The following PCCA variants were observed in gnomAD, a reference collection of about 807,000 sequenced individuals.
PCCA encodes the protein propionyl-CoA carboxylase alpha chain, mitochondrial.
In PCCA, 74 loss-of-function variants were observed where a neutral mutation model predicts 101.3. The ratio of observed to expected loss-of-function variants is 0.73; its 90% confidence interval spans 0.61 to 0.89. PCCA has a LOEUF of 0.89. Among genes scored for constraint, PCCA ranks in the 40% least tolerant of loss-of-function variants. PCCA has a pLI of 0.00. For synonymous variants in PCCA, 294 were observed against 313.6 expected, an observed-to-expected ratio of 0.94 and a Z score of 0.66; for missense variants, 891 against 907.0, an observed-to-expected ratio of 0.98 and a Z score of 0.23.
intron 21 of PCCA, among the ~76,000 whole-genome samples, chr13:100,492,308 G>C (rs955069400): frequency 1.3e-5 from 2 of 152,010 alleles, no homozygotes; most frequent in African/African-American, 4.8e-5. Context: ...CTAATTTTTT[G>C]TATTTTTAGT....
At chr13:100,139,066 G>A (rs952256067) in intron 4 of PCCA, among the ~76,000 whole-genome samples, 3 of 151,608 alleles carry the variant, frequency 2.0e-5, no homozygotes, top group Admixed American at 6.6e-5. Flanking sequence ...AAAACATTAT[G>A]TCACTTCCTT....
At chr13:100,238,755 GCTTT>G (rs2060956663) in intron 8 of PCCA, among the ~76,000 whole-genome samples, 1 of 152,052 alleles carries the variant, frequency 6.6e-6, no homozygotes. Flanking sequence ...AAGTCTGTTG[GCTTT>G]CTGTGTTGTT....
chr13:100,346,723 A>C (rs947517237), intron 18 of PCCA, among the ~76,000 whole-genome samples: 2 of 152,204 alleles, frequency 1.3e-5, no homozygotes, highest in African/African-American at 4.8e-5. Context: ...CAATTGGTTT[A>C]GCAAACTTTA....
chr13:100,239,767 A>G (rs1426799888), intron 8 of PCCA, among the ~76,000 whole-genome samples: 4 of 152,186 alleles, frequency 2.6e-5, no homozygotes, highest in Non-Finnish European at 5.9e-5. Context: ...CAACTTCCAG[A>G]TTATTCAGAT....
At chr13:100,100,045 A>T (rs7991968) in intron 1 of PCCA, among the ~76,000 whole-genome samples, 5,683 of 152,246 alleles carry the variant, frequency 0.037, 350 homozygotes, top group African/African-American at 0.13. Flanking sequence ...TTTAGTTTTC[A>T]TGTAAAACCT....
chr13:100,304,829 G>C (rs1328947946), intron 14 of PCCA, among the ~76,000 whole-genome samples: 1 of 152,180 alleles, frequency 6.6e-6, no homozygotes, highest in Non-Finnish European at 1.5e-5. Context: ...GCATACTTAA[G>C]AGTTAACTTA....
chr13:100,218,673 A>C (rs1386607977), intron 7 of PCCA, among the ~76,000 whole-genome samples: 1 of 152,206 alleles, frequency 6.6e-6, no homozygotes, highest in Non-Finnish European at 1.5e-5. Flanking sequence ...CTAATAGAAT[A>C]TGGCAAAGGT....
At chr13:100,105,713 G>T (rs1385986537) in intron 2 of PCCA, among the ~76,000 whole-genome samples, 2 of 148,938 alleles carry the variant, frequency 1.3e-5, no homozygotes, top group African/African-American at 4.9e-5. Context: ...GTGGTGGCGT[G>T]CACCAGTAGT....
intron 1 of PCCA, among the ~76,000 whole-genome samples, chr13:100,093,754 G>T (rs542451223): frequency 4.6e-5 from 7 of 151,956 alleles, no homozygotes; most frequent in Non-Finnish European, 1.0e-4. Context: ...CCCACCCCCG[G>T]CTATCTCTAC....
chr13:100,232,351 C>CATGTGTGTGT (rs1555387985), intron 7 of PCCA, among the ~76,000 whole-genome samples: 1 of 131,180 alleles, frequency 7.6e-6, no homozygotes, highest in Non-Finnish European at 1.6e-5. Context: ...TGTGTGTATG[C>CATGTGTGTGT]GTGTGTGTGT....
chr13:100,254,738 G>C (rs1028226021), intron 8 of PCCA, among the ~76,000 whole-genome samples: 8 of 152,084 alleles, frequency 5.3e-5, no homozygotes, highest in African/African-American at 1.9e-4. Context: ...AAGTTGAGTA[G>C]AAAACCTTAC....
chr13:100,125,491 G>A lies in PCCA; in HGVS notation c.300+13430G>A, dbSNP rs185122743. On this transcript the variant is annotated intron_variant, in intron 4 of 23. Transcript: ENST00000376285. The stretch of plus-strand genomic sequence containing the variant: ...TTAGTATATGGTTTTGAATCTGGGA[G>A]TCTGGTAATTAGGTAATCAAAGGGT... Among the ~76,000 whole-genome samples, 248 of 152,314 alleles carry A rather than the reference G, an allele frequency of 1.6e-3. 1 individual carries two copies. The highest frequency in any genetic ancestry group is 5.7e-3 in the African/African-American group (235 of 41,562).
chr13:100,413,148 C>T (rs77186850), intron 19 of PCCA, among the ~76,000 whole-genome samples: 2,253 of 152,210 alleles, frequency 0.015, 58 homozygotes, highest in African/African-American at 0.051. Context: ...GAGACATGGA[C>T]TACTAGGGGA....
chr13:100,342,496 G>T (rs1373156669), intron 18 of PCCA, among the ~76,000 whole-genome samples: 2 of 151,850 alleles, frequency 1.3e-5, no homozygotes, highest in African/African-American at 4.8e-5. Flanking sequence ...TTGAACTCCT[G>T]ACCTCAGGTG....
chr13:100,216,380 G>A (rs1280363445), intron 7 of PCCA, among the ~76,000 whole-genome samples: 2 of 152,228 alleles, frequency 1.3e-5, no homozygotes, highest in African/African-American at 4.8e-5. Context: ...AGATAATGGT[G>A]TAGTAGGGAG....
intron 23 of PCCA, among the ~76,000 whole-genome samples, chr13:100,528,769 CT>C (rs2088097562): frequency 6.6e-6 from 1 of 152,236 alleles, no homozygotes; most frequent in Non-Finnish European, 1.5e-5. Context: ...TAAATTACTT[CT>C]TTAAAAAGTG....
At chr13:100,343,881 C>T (rs2071774197) in intron 18 of PCCA, among the ~76,000 whole-genome samples, 1 of 152,204 alleles carries the variant, frequency 6.6e-6, no homozygotes, top group South Asian at 2.1e-4. Context: ...TCGCGACCAA[C>T]CTGGCCAACA....
intron 12 of PCCA, among the ~76,000 whole-genome samples, chr13:100,274,435 G>C (rs887608006): frequency 6.6e-6 from 1 of 152,052 alleles, no homozygotes; most frequent in African/African-American, 2.4e-5. Context: ...TAGTTTGCTA[G>C]GACTACCATA....
At chr13:100,347,180 A>G (rs1369673587) in intron 18 of PCCA, among the ~76,000 whole-genome samples, 1 of 152,144 alleles carries the variant, frequency 6.6e-6, no homozygotes, top group Non-Finnish European at 1.5e-5. Context: ...AGCCTAAACT[A>G]CTTTTTAATT....
Sources: allele counts gnomAD v4.1 joint callset (sites outside exome capture counted in the v4.1 genomes callset), GRCh38; gene constraint gnomAD v4.1.1; transcripts MANE v1.5; gene names NCBI Gene and HGNC (gene_info 2026-07-23, HGNC 2026-07-21).